Variants in OPHN1 observed in about 807,000 individuals in gnomAD.
The protein encoded by OPHN1 is oligophrenin-1.
Under a neutral mutation model 60.7 loss-of-function variants are expected in OPHN1, and 11 were observed. The ratio of observed to expected loss-of-function variants is 0.18; its 90% CI spans 0.11 to 0.30. OPHN1 has a LOEUF of 0.30. Ranked by LOEUF, OPHN1 falls within the 10% of genes least tolerant of loss-of-function variation. OPHN1 has a pLI of 1.00. For synonymous variants in OPHN1, 226 were observed against 222.6 expected (o/e 1.02, Z -0.14); for missense variants, 449 against 611.0 (o/e 0.73, Z 2.80).
intron 5 of OPHN1, among the ~76,000 whole-genome samples, chrX:68,256,375 C>T (rs2077863605): frequency 9.0e-6 from 1 of 111,624 alleles, no homozygotes; most frequent in Non-Finnish European, 1.9e-5. Context: ...CTCGACTTTA[C>T]AGGCTGCGCA....
intron 18 of OPHN1, among the ~76,000 whole-genome samples, chrX:68,108,890 T>C (rs2077092734): frequency 9.0e-6 from 1 of 111,675 alleles, no homozygotes; most frequent in South Asian, 3.7e-4. Context: ...CATAAGTATA[T>C]AAGGAGGTAT....
Sources: allele counts gnomAD v4.1 joint callset (sites outside exome capture counted in the v4.1 genomes callset), GRCh38; gene constraint gnomAD v4.1.1; transcripts MANE v1.5; gene names NCBI Gene and HGNC (gene_info 2026-07-23, HGNC 2026-07-21).